Variants in SNX5 observed in about 807,000 individuals in gnomAD.
The protein encoded by SNX5 is sorting nexin 5, also known as sorting nexin-5.
Under a neutral mutation model 53.9 loss-of-function variants are expected in SNX5, and 31 were observed. The ratio of observed to expected loss-of-function variants is 0.58; its 90% CI spans 0.43 to 0.78. SNX5 has a LOEUF of 0.78. Ranked by LOEUF, SNX5 falls within the 30% of genes least tolerant of loss-of-function variation. The pLI is 0.00. For missense variants in SNX5, 471 were observed against 478.8 expected, an observed-to-expected ratio of 0.98 and a Z score of 0.15; for synonymous variants, 168 against 171.1, an observed-to-expected ratio of 0.98 and a Z score of 0.14.
rs1161092921 is a variant in SNX5 at position 17,948,894 on chromosome 20, GC to G, written c.913del (p.Ala305LeufsTer27). 1 of 1,611,574 alleles carries G rather than the reference GC, an allele frequency of 6.2e-7. No individual in the cohort carries two copies. The highest frequency in any genetic ancestry group is 1.3e-5 in the African/African-American group (1 of 74,968). On this transcript the variant is annotated frameshift_variant, in exon 10 of 13. Transcript: ENST00000377759. LOFTEE classifies it high-confidence loss of function. ...LRYYMLNIEA[A>X]KDLLYRRTKA... is the part of the protein sequence containing the mutation. ...GCTGAGCAACTCTCTTCCTACCTTA[GC>G]AGCTTCAATGTTGAGCATGTAGTAT...
intron 5 of SNX5, among the ~76,000 whole-genome samples, chr20:17,951,954 T>G (rs1034671257): frequency 6.6e-6 from 1 of 152,264 alleles, no homozygotes; most frequent in Admixed American, 6.5e-5. Context: ...CCGGGCGCAG[T>G]GGCTCACGCC....
chr20:17,950,609 G>T (rs141392560), intron 6 of SNX5, among the ~76,000 whole-genome samples: 1 of 152,314 alleles, frequency 6.6e-6, no homozygotes, highest in African/African-American at 2.4e-5. Flanking sequence ...GTCTACAGAA[G>T]AATCACTTAA....
chr20:17,954,691 C>T (rs1315098811), intron 3 of SNX5, among the ~76,000 whole-genome samples: 1 of 152,150 alleles, frequency 6.6e-6, no homozygotes. Context: ...CAATCAAGGG[C>T]TGAAAACTGC....
chr20:17,964,389 G>T (rs563428575), intron 1 of SNX5, among the ~76,000 whole-genome samples: 37 of 152,292 alleles, frequency 2.4e-4, no homozygotes, highest in East Asian at 9.6e-4. Context: ...AATGTAAAAA[G>T]AAGAGTCAAG....
Position 17,954,004 on chromosome 20 carries a change from TTC to T in SNX5, c.379_380del (p.Glu127ThrfsTer4). The T allele has an allele frequency of 6.2e-7, 1 of 1,613,596 alleles. No homozygotes were observed. Among genetic ancestry groups the T allele is most frequent in the East Asian group, 2.2e-5 (1 of 44,872 alleles). ...CAGGAAAATCCACTTACGCTTCCAG[TTC>T]TTGTTTCATCTTGGCAAATTCTTCT... ...TKEEFAKMKQ[E>X]LEAEYLAVFK... On this transcript the variant is annotated frameshift_variant, in exon 4 of 13. Transcript: ENST00000377759. LOFTEE classifies it high-confidence loss of function.
chr20:17,955,256 G>A (rs2035333661), intron 3 of SNX5, 109 bp downstream of exon 3: 2 of 724,882 alleles, frequency 2.8e-6, no homozygotes, highest in Admixed American at 2.7e-5. Flanking sequence ...GTAGGTAGAT[G>A]AAATCTAACT....
chr20:17,962,674 G>T, intron 1 of SNX5: 1 of 505,134 alleles, frequency 2.0e-6, no homozygotes, highest in Non-Finnish European at 3.9e-6. Flanking sequence ...AGCTACTCAG[G>T]CATCGGCTTA....
chr20:17,944,097 A>G (rs1230875347), intron 11 of SNX5: 2 of 152,256 alleles, frequency 1.3e-5, no homozygotes, highest in African/African-American at 4.8e-5. Flanking sequence ...GCACAGAAAG[A>G]CAAACATTAC....
In SNX5 at chr20:17,947,638, A is replaced by G. The variant is rs777331458; in HGVS notation, c.926T>C (p.Leu309Ser). Reference sequence around the variant, plus strand: ...AATGAGGGCTTTGGTGCGTCTGTATAAGAGATCCTGGGAAAAAAATTAACA... The same window carrying G: ...AATGAGGGCTTTGGTGCGTCTGTATGAGAGATCCTGGGAAAAAAATTAACA... ...MLNIEAAKDL[L>S]YRRTKALIDY... The change falls in exon 11 of 13, where the codon TTA becomes TCA. Residue 309 changes from leucine to serine, a missense_variant. Coordinates refer to ENST00000377759, the MANE Select transcript of SNX5 (RefSeq NM_014426.4). The G allele has an allele frequency of 3.1e-6, 5 of 1,610,390 alleles. No homozygotes were observed. Among genetic ancestry groups the G allele is most frequent in the East Asian group, 2.2e-5 (1 of 44,862 alleles).
In SNX5 at chr20:17,942,186, A is replaced by G. The variant is rs2039426476; in HGVS notation, c.*171T>C. 1.0e-5 allele frequency: 6 copies of G among 596,556 alleles called. No homozygotes were observed. Among genetic ancestry groups the G allele is most frequent in the Non-Finnish European group, 1.8e-5 (6 of 335,062 alleles). The allele number at this position is 596,556 out of a possible 1,614,324, so 37.0% of individuals were successfully genotyped here. The stretch of plus-strand genomic sequence containing the variant: ...AGTTATGTCCAAGTAGCAAGCAATA[A>G]TATTTTTAAACCAACATGGTTAAAT... On this transcript the variant is annotated 3_prime_UTR_variant, in exon 13 of 13. Transcript: ENST00000377759.
At chr20:17,949,585 C>T (rs73097482) in intron 8 of SNX5, among the ~76,000 whole-genome samples, 6,366 of 152,174 alleles carry the variant, frequency 0.042, 195 homozygotes, top group Non-Finnish European at 0.068. Flanking sequence ...TACATAAGTG[C>T]AGAGTGAAAA....
At chr20:17,947,989 T>C (rs2039509996) in intron 10 of SNX5, among the ~76,000 whole-genome samples, 1 of 152,206 alleles carries the variant, frequency 6.6e-6, no homozygotes, top group Admixed American at 6.5e-5. Context: ...GTAAGTCAAG[T>C]TGAGCGCTGC....
At chr20:17,948,102 T>A (rs1421538173) in intron 10 of SNX5, among the ~76,000 whole-genome samples, 1 of 152,244 alleles carries the variant, frequency 6.6e-6, no homozygotes, top group Non-Finnish European at 1.5e-5. Context: ...GATATAAAGA[T>A]TCTTTGCAAT....
Position 17,951,542 on chromosome 20 carries a change from A to G in SNX5, c.567T>C (p.Ser189=). The change falls in exon 6 of 13, where the codon AGT becomes AGC. Residue 189 remains serine, a synonymous_variant. Coordinates refer to ENST00000377759, the MANE Select transcript of SNX5 (RefSeq NM_014426.4). ...TKEMFGGFFK[S]VVKSADEVLF... is the part of the protein sequence containing the mutation. ...GGACTTCATCAGCACTTTTCACCAC[A>G]CTTTTGAAGAAGCCACCAAACATCT... 1.2e-6 allele frequency: 2 copies of G among 1,612,460 alleles called. No individual in the cohort carries two copies. The highest frequency in any genetic ancestry group is 1.7e-6 in the Non-Finnish European group (2 of 1,179,818).
intron 11 of SNX5, among the ~76,000 whole-genome samples, chr20:17,946,212 G>A (rs981809286): frequency 6.6e-6 from 1 of 152,224 alleles, no homozygotes; most frequent in African/African-American, 2.4e-5. Context: ...AAACCTGCAT[G>A]TGTGTGCAAC....
intron 1 of SNX5, 87 bp from the exon 2 acceptor site, chr20:17,957,124 T>C (rs977928055): frequency 1.3e-6 from 1 of 792,614 alleles, no homozygotes; most frequent in Non-Finnish European, 2.3e-6. Flanking sequence ...AAAAGCAGTT[T>C]ATACATAGAT....
intron 1 of SNX5, 69 bp downstream of exon 1, chr20:17,968,306 G>C (rs546808858): frequency 1.2e-5 from 15 of 1,201,078 alleles, no homozygotes; most frequent in Middle Eastern, 3.2e-4. Flanking sequence ...ACGCGCAAGG[G>C]AAAGAATGCA....
At chr20:17,964,373 T>C (rs757555869) in intron 1 of SNX5, among the ~76,000 whole-genome samples, 3 of 152,222 alleles carry the variant, frequency 2.0e-5, no homozygotes, top group Admixed American at 6.5e-5. Context: ...AAAAAAGTTA[T>C]GCCAAAATGT....
intron 1 of SNX5, among the ~76,000 whole-genome samples, chr20:17,966,384 C>CA (rs57885295): frequency 0.025 from 3,154 of 125,494 alleles, 85 homozygotes; most frequent in African/African-American, 0.069. Flanking sequence ...GACTCCGTCT[C>CA]AAAAAAAAAA....
Sources: gnomAD v4.1 joint callset for allele counts (sites outside exome capture counted in the v4.1 genomes callset) on GRCh38, gnomAD v4.1.1 for gene constraint, MANE v1.5 for transcripts, NCBI Gene and HGNC (gene_info 2026-07-23, HGNC 2026-07-21) for gene names.